The following AFF3 variants were observed in gnomAD, a reference collection of about 807,000 sequenced individuals.
AFF3 encodes the protein AF4/FMR2 family member 3.
A neutral mutation model predicts 129.7 loss-of-function variants in AFF3; 32 were observed. The ratio of observed to expected loss-of-function variants is 0.25; its 90% CI spans 0.19 to 0.33. AFF3 has a LOEUF of 0.33. Ranked by LOEUF, AFF3 falls within the 10% of genes least tolerant of loss-of-function variation. AFF3 has a pLI of 1.00. For missense variants in AFF3, 1,373 were observed against 1,592.0 expected (o/e 0.86, Z 2.34); for synonymous variants, 644 against 635.4 (o/e 1.01, Z -0.20).
At chr2:99,949,523 G>T (rs1675941184) in intron 7 of AFF3, among the ~76,000 whole-genome samples, 1 of 151,854 alleles carries the variant, frequency 6.6e-6, no homozygotes, top group African/African-American at 2.4e-5. Flanking sequence ...CCATAATGTA[G>T]AATCAGTGGG....
intron 4 of AFF3, among the ~76,000 whole-genome samples, chr2:100,044,263 G>A (rs555037183): frequency 5.9e-5 from 9 of 152,200 alleles, no homozygotes; most frequent in Non-Finnish European, 1.3e-4. Flanking sequence ...ATCCCCTCTC[G>A]TGGAAAACAG....
chr2:100,138,908 G>A lies in AFF3; in HGVS notation c.-228+3576C>T, dbSNP rs1004172921. 1.5e-4 allele frequency among the ~76,000 whole-genome samples: 21 copies of A among 140,102 alleles called. No homozygotes were observed. The East Asian group carries it at 4.0e-3, about 27-fold the overall frequency. The allele number at this position is 140,102 out of a possible 152,430, so 91.9% of individuals were successfully genotyped here. On this transcript the variant is annotated intron_variant, in intron 1 of 24. Transcript: ENST00000672756. The stretch of plus-strand genomic sequence containing the variant: ...TGCAGTGAGCCGAAATCATGGCACT[G>A]CTCTCCAGCCTGGGTAACAGAGCAA...
chr2:99,903,009 G>A (rs1477347881), intron 7 of AFF3, among the ~76,000 whole-genome samples: 1 of 152,112 alleles, frequency 6.6e-6, no homozygotes, highest in African/African-American at 2.4e-5. Flanking sequence ...CTCCTCCAGA[G>A]GCATAACAAT....
At chr2:99,865,320 G>A (rs1410113983) in intron 7 of AFF3, among the ~76,000 whole-genome samples, 2 of 152,194 alleles carry the variant, frequency 1.3e-5, no homozygotes, top group African/African-American at 2.4e-5. Context: ...AGCCTTCAAG[G>A]AAAACAGCAG....
At chr2:99,853,037 T>C (rs555487766) in intron 7 of AFF3, among the ~76,000 whole-genome samples, 3 of 152,182 alleles carry the variant, frequency 2.0e-5, no homozygotes, top group Non-Finnish European at 2.9e-5. Flanking sequence ...GCAAATAACA[T>C]GGCAGTATTG....
chr2:99,744,234 C>T, intron 9 of AFF3, 94 bp from the exon 10 acceptor site: 1 of 1,061,388 alleles, frequency 9.4e-7, no homozygotes, highest in South Asian at 1.5e-5. Context: ...TCATTCAGAA[C>T]CGATTCATTG....
intron 8 of AFF3, among the ~76,000 whole-genome samples, chr2:99,786,691 A>G (rs1558849699): frequency 6.6e-6 from 1 of 152,200 alleles, no homozygotes. Flanking sequence ...GTAAAAAAAA[A>G]ATAAACTATA....
intron 12 of AFF3, among the ~76,000 whole-genome samples, chr2:99,655,047 C>A (rs1005413466): frequency 8.5e-5 from 13 of 152,120 alleles, no homozygotes; most frequent in African/African-American, 2.9e-4. Context: ...AGAATGATCT[C>A]ATTTCTTACT....
intron 8 of AFF3, among the ~76,000 whole-genome samples, chr2:99,754,446 G>A (rs1057030596): frequency 6.6e-6 from 1 of 152,020 alleles, no homozygotes; most frequent in Non-Finnish European, 1.5e-5. Flanking sequence ...ATACCACCCC[G>A]GTATGTCTAT....
rs143229576 is a variant in AFF3, at chr2:99,583,603, C to T, written c.2592-604G>A. On this transcript the variant is annotated intron_variant, in intron 16 of 24. Coordinates refer to ENST00000672756, the MANE Select transcript of AFF3 (RefSeq NM_001386135.1). The stretch of plus-strand genomic sequence containing the variant: ...TTCACCATGTTGCCCAAGCTGGTCT[C>T]GAACTCCTGGATTCAAGGTGCCTCG... 9.8e-3 allele frequency among the ~76,000 whole-genome samples: 1,495 copies of T among 152,224 alleles called. 18 individuals carry two copies. Among genetic ancestry groups the T allele is most frequent in the African/African-American group, 0.034 (1,412 of 41,526 alleles).
chr2:99,978,383 ATT>A (rs1679082906), intron 7 of AFF3, among the ~76,000 whole-genome samples: 2 of 152,214 alleles, frequency 1.3e-5, no homozygotes, highest in African/African-American at 4.8e-5. Context: ...TGGTCTTAAC[ATT>A]GCCAATGCCT....
At chr2:99,818,646 T>C (rs150654501) in intron 8 of AFF3, among the ~76,000 whole-genome samples, 2 of 152,318 alleles carry the variant, frequency 1.3e-5, no homozygotes, top group Non-Finnish European at 2.9e-5. Context: ...TAGGAGGGTT[T>C]AGTCATTTGT....
chr2:99,919,494 T>A (rs1319157646), intron 7 of AFF3, among the ~76,000 whole-genome samples: 1 of 152,152 alleles, frequency 6.6e-6, no homozygotes, highest in Non-Finnish European at 1.5e-5. Context: ...GTTCAGATTA[T>A]TTTATGTTGA....
intron 7 of AFF3, among the ~76,000 whole-genome samples, chr2:99,947,818 C>T (rs1227782358): frequency 6.6e-6 from 1 of 152,052 alleles, no homozygotes; most frequent in African/African-American, 2.4e-5. Flanking sequence ...GGGTTGGACA[C>T]CAGCTCAAGA....
chr2:99,579,810 T>C (rs1341711787), intron 17 of AFF3, among the ~76,000 whole-genome samples: 2 of 152,238 alleles, frequency 1.3e-5, no homozygotes, highest in Admixed American at 6.5e-5. Context: ...TTACTTGGGA[T>C]ACAGACATTT....
At chr2:99,737,867 T>C (rs1359292257) in intron 10 of AFF3, among the ~76,000 whole-genome samples, 1 of 152,066 alleles carries the variant, frequency 6.6e-6, no homozygotes, top group Non-Finnish European at 1.5e-5. Context: ...GCATTCTAGA[T>C]AATTTCTTAA....
intron 7 of AFF3, among the ~76,000 whole-genome samples, chr2:99,846,746 T>C (rs1037783459): frequency 1.3e-5 from 2 of 152,256 alleles, no homozygotes; most frequent in African/African-American, 4.8e-5. Flanking sequence ...TTTGACGATA[T>C]TCTATTTGGC....
intron 11 of AFF3, among the ~76,000 whole-genome samples, chr2:99,695,273 T>G (rs1394646765): frequency 6.6e-6 from 1 of 152,228 alleles, no homozygotes; most frequent in Non-Finnish European, 1.5e-5. Flanking sequence ...CCAGTGGCCC[T>G]GGCTGGGCCA....
intron 11 of AFF3, among the ~76,000 whole-genome samples, chr2:99,717,477 G>A (rs181066940): frequency 3.2e-4 from 48 of 152,202 alleles, no homozygotes; most frequent in Non-Finnish European, 5.7e-4. Context: ...TAAAATAAAC[G>A]TTATTAGTGA....
Sources: allele counts gnomAD v4.1 joint callset (sites outside exome capture counted in the v4.1 genomes callset), GRCh38; gene constraint gnomAD v4.1.1; transcripts MANE v1.5; gene names NCBI Gene and HGNC (gene_info 2026-07-23, HGNC 2026-07-21).